Variants in GMPR observed in about 807,000 individuals in gnomAD.
GMPR encodes the protein guanosine monophosphate reductase.
Under a neutral mutation model 38.4 loss-of-function variants are expected in GMPR, and 31 were observed. The observed-to-expected ratio is 0.81, with a 90% CI of 0.61 to 1.09. The LOEUF (loss-of-function observed/expected upper bound fraction) is 1.09. Ranked by LOEUF, GMPR falls within the 50% of genes least tolerant of loss-of-function variation. The probability of loss-of-function intolerance (pLI) is 0.00; values close to 1 mark genes in which losing one functional copy is unlikely to be tolerated. For synonymous variants in GMPR, 162 were observed against 173.3 expected (o/e 0.93, Z 0.51); for missense variants, 468 against 453.7 (o/e 1.03, Z -0.29).
intron 7 of GMPR, chr6:16,289,812 C>T (rs961869019): frequency 1.5e-5 from 2 of 133,874 alleles, no homozygotes; most frequent in Admixed American, 1.6e-4. Context: ...GCATTAAGTA[C>T]AAGATTAGGT....
Position 16,278,867 on chromosome 6 carries a change from G to A in GMPR, c.631G>A (p.Gly211Ser). 1 of 1,612,154 alleles carries A rather than the reference G, an allele frequency of 6.2e-7. No homozygotes were observed. Among genetic ancestry groups the A allele is most frequent in the East Asian group, 2.2e-5 (1 of 44,876 alleles). ...CATTGAGTGTGCCGACTCTGCCCAT[G>A]GCCTGAAGGGCCACATCATCTCTGT... Reference protein sequence around the residue: ...AVIECADSAHGLKGHIISDGG... With the variant: ...AVIECADSAHSLKGHIISDGG... The change falls in exon 6 of 9, where the codon GGC (glycine) becomes AGC (serine). Residue 211 changes from glycine (G) to serine (S), a missense_variant. By Grantham distance (56) the Gly-to-Ser change is moderately conservative. Transcript: ENST00000259727.
At chr6:16,247,377 C>CT (rs539745655) in intron 2 of GMPR, among the ~76,000 whole-genome samples, 9,308 of 141,782 alleles carry the variant, frequency 0.066, 568 homozygotes, top group African/African-American at 0.17. Context: ...TAATGTATTT[C>CT]TTTTTTTTTT....
intron 2 of GMPR, among the ~76,000 whole-genome samples, chr6:16,247,414 G>A (rs930585726): frequency 3.4e-5 from 5 of 149,200 alleles, no homozygotes; most frequent in African/African-American, 1.2e-4. Flanking sequence ...TCACTGTGTC[G>A]CCCAGGCTGG....
chr6:16,267,362 T>A (rs1457601861), intron 4 of GMPR, among the ~76,000 whole-genome samples: 3 of 150,524 alleles, frequency 2.0e-5, no homozygotes, highest in African/African-American at 7.3e-5. Flanking sequence ...AGAGGGAGAC[T>A]CCGTCTCAAA....
rs1302600270 is a variant in GMPR at position 16,285,838 on chromosome 6, A to G, written c.697+3A>G. ...AGGGGATGTCGCCAAAGCCTTTGGT[A>G]AGGCCGGGCCCTGGTGCAGAGGGAG... On this transcript the variant is annotated splice_donor_region_variant and intron_variant, in intron 7 of 8. Transcript: ENST00000259727. 6.2e-7 allele frequency: 1 copy of G among 1,609,268 alleles called. No individual in the cohort carries two copies. The highest frequency in any genetic ancestry group is 2.2e-5 in the East Asian group (1 of 44,748).
At chr6:16,257,801 G>A (rs1389624871) in intron 4 of GMPR, among the ~76,000 whole-genome samples, 1 of 152,136 alleles carries the variant, frequency 6.6e-6, no homozygotes. Flanking sequence ...TCTCTTGTGA[G>A]GGCACTAATC....
intron 1 of GMPR, 43 bp downstream of exon 1, chr6:16,238,823 T>C (rs1334334157): frequency 8.5e-7 from 1 of 1,180,992 alleles, no homozygotes; most frequent in African/African-American, 1.6e-5. Flanking sequence ...GATTTTTTTT[T>C]CCGGGTGGCG....
chr6:16,248,050 C>T (rs771527550), intron 2 of GMPR, among the ~76,000 whole-genome samples: 3 of 151,320 alleles, frequency 2.0e-5, no homozygotes, highest in African/African-American at 4.9e-5. Context: ...GGCAACATGG[C>T]GAAGCATCAT....
At position 16,266,668 on chromosome 6, in the gene GMPR, G is replaced by A. The variant is rs976728728; in HGVS notation, c.466-7747G>A. 5.9e-5 allele frequency among the ~76,000 whole-genome samples: 9 copies of A among 151,860 alleles called. No homozygotes were observed. In the South Asian group the frequency reaches 1.5e-3, roughly 25 times the overall value. On this transcript the variant is annotated intron_variant, in intron 4 of 8. Transcript: ENST00000259727. ...GTACAAAAAAAAGAAAAAATTAGCC[G>A]GGCGCAGTGGCGGGCGCCTGTAGTC...
chr6:16,263,912 CT>C (rs1759139085), intron 4 of GMPR, among the ~76,000 whole-genome samples: 1 of 151,170 alleles, frequency 6.6e-6, no homozygotes, highest in Admixed American at 6.7e-5. Flanking sequence ...AAAAGTGGGA[CT>C]TGCCGCTAAG....
Position 16,250,385 on chromosome 6 carries a change from TTATC to T in GMPR, c.291+19_291+22del. The T allele has an allele frequency of 6.9e-7, 1 of 1,457,848 alleles. No individual in the cohort carries two copies. The highest frequency in any genetic ancestry group is 9.6e-7 in the Non-Finnish European group (1 of 1,037,314). The allele number at this position is 1,457,848 out of a possible 1,614,324, so 90.3% of individuals were successfully genotyped here. A position where few individuals can be genotyped will look rare whatever the true frequency, so the allele number is the denominator to read the frequency against. ...GCCTGCAGGTACGACTACAGCCTGG[TTATC>T]AATTACCAGTGCTGCAGGGGGGAAC... On this transcript the variant is annotated intron_variant, in intron 3 of 8. Transcript: ENST00000259727.
At chr6:16,242,105 G>A (rs1350283400) in intron 1 of GMPR, among the ~76,000 whole-genome samples, 1 of 152,154 alleles carries the variant, frequency 6.6e-6, no homozygotes, top group East Asian at 1.9e-4. Context: ...ATCAGGCATT[G>A]AAGAGAATCG....
At chr6:16,269,965 T>G (rs961036578) in intron 4 of GMPR, among the ~76,000 whole-genome samples, 1 of 152,218 alleles carries the variant, frequency 6.6e-6, no homozygotes. Flanking sequence ...CTCAGTCCTC[T>G]CTTAGACGGC....
intron 1 of GMPR, among the ~76,000 whole-genome samples, chr6:16,243,697 G>T (rs998475431): frequency 6.6e-6 from 1 of 152,110 alleles, no homozygotes; most frequent in Non-Finnish European, 1.5e-5. Flanking sequence ...TCTGTCCTGG[G>T]TCCCACGTCT....
chr6:16,255,823 G>A (rs1321058202), intron 4 of GMPR, among the ~76,000 whole-genome samples: 2 of 152,138 alleles, frequency 1.3e-5, no homozygotes, highest in Non-Finnish European at 2.9e-5. Flanking sequence ...TAAGAAAGTT[G>A]GGAGGAAGGA....
intron 4 of GMPR, among the ~76,000 whole-genome samples, chr6:16,266,400 T>C (rs1294785287): frequency 7.5e-6 from 1 of 133,890 alleles, no homozygotes; most frequent in East Asian, 2.3e-4. Flanking sequence ...GTGCCACCTT[T>C]AAGAGCTGTA....
intron 7 of GMPR, among the ~76,000 whole-genome samples, chr6:16,288,508 A>AC (rs530293237): frequency 1.3e-3 from 197 of 152,232 alleles, no homozygotes; most frequent in African/African-American, 4.3e-3. Context: ...AGGGCTCGGG[A>AC]CCTGCCGCCC....
rs540939469 is a variant in GMPR, at chr6:16,290,681, G to A, written c.857+60G>A. 10 of 1,474,182 alleles carry A rather than the reference G, an allele frequency of 6.8e-6. No homozygotes were observed. In the South Asian group the frequency reaches 6.9e-5, roughly 10 times the overall value. The allele number at this position is 1,474,182 out of a possible 1,614,324, so 91.3% of individuals were successfully genotyped here. ...CTGGCCTTGCTTTTCTTACGGAGAT[G>A]GGATGGAAGCAGGTCTGAATAGCAG... On this transcript the variant is annotated intron_variant, in intron 8 of 8. Transcript: ENST00000259727.
intron 8 of GMPR, among the ~76,000 whole-genome samples, chr6:16,294,557 T>G (rs1478947742): frequency 6.6e-6 from 1 of 152,202 alleles, no homozygotes. Context: ...GGAGGCTGTT[T>G]CCAGGGGGGA....
Sources: gnomAD v4.1 joint callset for allele counts (sites outside exome capture counted in the v4.1 genomes callset) on GRCh38, gnomAD v4.1.1 for gene constraint, MANE v1.5 for transcripts, NCBI Gene and HGNC (gene_info 2026-07-23, HGNC 2026-07-21) for gene names.